Variants in STYK1 observed in about 807,000 individuals in gnomAD.
STYK1 encodes the protein tyrosine-protein kinase STYK1.
In STYK1, 46 loss-of-function variants were observed where a neutral mutation model predicts 48.1. The observed-to-expected ratio is 0.96, with a 90% CI of 0.75 to 1.22. The LOEUF (loss-of-function observed/expected upper bound fraction) is 1.22, where lower values mean the gene tolerates loss of function less well. STYK1 is among the 50% of genes most tolerant of loss of function. STYK1 has a pLI of 0.00. For synonymous variants in STYK1, 188 were observed against 189.0 expected (o/e 0.99, Z 0.04); for missense variants, 527 against 521.1 (o/e 1.01, Z -0.11).
rs2120622523 is a variant in STYK1 at position 10,627,983 on chromosome 12, C to T, written c.634-259G>A. ...AAATAAGACTATCCACTGAATAAAG[C>T]AGCAATTTTTCTAGGGCTCTGTGTG... On this transcript the variant is annotated intron_variant, in intron 6 of 10. Transcript: ENST00000075503. Among the ~76,000 whole-genome samples the T allele has an allele frequency of 2.0e-5, 3 of 152,296 alleles. No homozygotes were observed. The South Asian group carries it at 6.2e-4, about 32-fold the overall frequency.
chr12:10,625,811 A>AT (rs1252466441), intron 7 of STYK1, among the ~76,000 whole-genome samples: 1 of 152,166 alleles, frequency 6.6e-6, no homozygotes, highest in Non-Finnish European at 1.5e-5. Flanking sequence ...TAAACATAAG[A>AT]TTTTCACCCC....
At chr12:10,629,339 T>C in intron 6 of STYK1, 154 bp downstream of exon 6, 1 of 747,718 alleles carries the variant, frequency 1.3e-6, no homozygotes, top group Non-Finnish European at 2.1e-6. Flanking sequence ...ATTTCTATAA[T>C]TACAAAAAGT....
intron 1 of STYK1, among the ~76,000 whole-genome samples, chr12:10,657,261 T>C (rs547350008): frequency 8.5e-5 from 13 of 152,328 alleles, no homozygotes; most frequent in African/African-American, 2.9e-4. Flanking sequence ...CTCAAAGGGC[T>C]CCTCCCTGAA....
chr12:10,667,504 C>A (rs188398018), intron 1 of STYK1: 4 of 151,424 alleles, frequency 2.6e-5, no homozygotes, highest in Admixed American at 2.6e-4. Flanking sequence ...GTGGTGCATG[C>A]CTCTAGTCCC....
rs1243822251 is a variant in STYK1, at chr12:10,618,976, G to A, written c.*1168C>T. On this transcript the variant is annotated 3_prime_UTR_variant, in exon 11 of 11. Transcript: ENST00000075503. Reference sequence around the variant, plus strand: ...ACGTTTATTGAGCGCATATGTGCCAGATAGTGTACAAATACATACTCAAAA... The same window carrying A: ...ACGTTTATTGAGCGCATATGTGCCAAATAGTGTACAAATACATACTCAAAA... 6.6e-6 allele frequency: 1 copy of A among 152,178 alleles called. No individual in the cohort carries two copies. 9.4% of individuals were successfully genotyped at this position (152,178 alleles called of 1,614,324 possible).
At chr12:10,670,193 T>C (rs540451207) in intron 1 of STYK1, among the ~76,000 whole-genome samples, 14 of 152,298 alleles carry the variant, frequency 9.2e-5, no homozygotes, top group Admixed American at 7.2e-4. Context: ...TTACTTTTAT[T>C]CTGAAGGCTC....
chr12:10,620,308 C>G lies in STYK1; in HGVS notation c.1105G>C (p.Asp369His). 1 of 1,613,646 alleles carries G rather than the reference C, an allele frequency of 6.2e-7. No individual in the cohort carries two copies. Among genetic ancestry groups the G allele is most frequent in the Non-Finnish European group, 8.5e-7 (1 of 1,180,044 alleles). The part of the protein sequence containing the change: ...MKSCWRWREA[D>H]RPSPRELRLR... ...CGCAGCTCTCTAGGTGAGGGGCGGT[C>G]AGCCTCACGCCAGCGCCAGCAGGAC... Residue 369 changes from aspartate (D) to histidine (H), a missense_variant, in exon 11 of 11, where the codon GAC becomes CAC. Asp to His is a moderately conservative substitution (Grantham distance 81). Transcript: ENST00000075503.
intron 1 of STYK1, among the ~76,000 whole-genome samples, chr12:10,642,557 A>G (rs1947556699): frequency 6.6e-6 from 1 of 152,184 alleles, no homozygotes; most frequent in Non-Finnish European, 1.5e-5. Flanking sequence ...AGCTGTATCA[A>G]TCAGGTAAAC....
At chr12:10,667,847 T>C (rs568711607) in intron 1 of STYK1, among the ~76,000 whole-genome samples, 25 of 152,084 alleles carry the variant, frequency 1.6e-4, no homozygotes, top group African/African-American at 6.0e-4. Context: ...CCTTAGGAGG[T>C]AGTATTCACA....
Position 10,658,836 on chromosome 12 carries a change from TA to T in STYK1, c.-195+15129del, listed in dbSNP as rs199966586. Among the ~76,000 whole-genome samples the T allele has an allele frequency of 8.8e-3, 1,335 of 152,332 alleles. 21 individuals carry two copies. Among genetic ancestry groups the T allele is most frequent in the African/African-American group, 0.03 (1,253 of 41,580 alleles). Reference sequence around the variant, plus strand: ...CTAATATGACTTAGTATGTTATTAGTAATTATAATTGTTACATAATATTATT... The same window carrying T: ...CTAATATGACTTAGTATGTTATTAGTATTATAATTGTTACATAATATTATT... On this transcript the variant is annotated intron_variant, in intron 1 of 10. Transcript: ENST00000075503.
intron 3 of STYK1, 135 bp downstream of exon 3, chr12:10,634,432 C>T (rs1255285780): frequency 6.1e-6 from 6 of 976,264 alleles, no homozygotes; most frequent in Non-Finnish European, 9.4e-6. Context: ...ACAATGGCCT[C>T]TAGTCCCCAT....
chr12:10,645,643 A>G (rs1357970605), intron 1 of STYK1, among the ~76,000 whole-genome samples: 1 of 152,240 alleles, frequency 6.6e-6, no homozygotes, highest in Non-Finnish European at 1.5e-5. Flanking sequence ...GTCAGCAAGA[A>G]TCAAAATAAG....
chr12:10,653,527 T>G (rs186004230), intron 1 of STYK1, among the ~76,000 whole-genome samples: 50 of 152,308 alleles, frequency 3.3e-4, no homozygotes, highest in African/African-American at 1.2e-3. Context: ...AATTCAGAAG[T>G]GTAAAACCTG....
rs145885106 is a variant in STYK1 at position 10,656,604 on chromosome 12, G to A, written c.-195+17362C>T. 3.3e-3 allele frequency among the ~76,000 whole-genome samples: 506 copies of A among 152,202 alleles called. 2 individuals carry two copies. The highest frequency in any genetic ancestry group is 0.012 in the African/African-American group (480 of 41,536). The stretch of plus-strand genomic sequence containing the variant: ...CACGTCACTGCACTCCAGCCTGGGC[G>A]ATAGAGTGAGACTCCATCTCAAAAA... On this transcript the variant is annotated intron_variant, in intron 1 of 10. Coordinates refer to ENST00000075503, the MANE Select transcript of STYK1 (RefSeq NM_018423.3).
At chr12:10,666,735 T>G (rs1408441373) in intron 1 of STYK1, among the ~76,000 whole-genome samples, 1 of 152,236 alleles carries the variant, frequency 6.6e-6, no homozygotes, top group Non-Finnish European at 1.5e-5. Context: ...TATAAGGGGC[T>G]CTTCCCCCTT....
rs370801511 is a variant in STYK1 at position 10,629,056 on chromosome 12, T to C, written c.633+437A>G. 2.4e-4 allele frequency among the ~76,000 whole-genome samples: 36 copies of C among 152,312 alleles called. No individual in the cohort carries two copies. The South Asian group carries it at 6.4e-3, about 27-fold the overall frequency. On this transcript the variant is annotated intron_variant, in intron 6 of 10. Transcript: ENST00000075503. Reference sequence around the variant, plus strand: ...TTTCTTGTATTTTTTGTAATAATTATTACTCCCATTTTACAGATTCAGAAA... The same window carrying C: ...TTTCTTGTATTTTTTGTAATAATTACTACTCCCATTTTACAGATTCAGAAA...
At chr12:10,648,016 C>T (rs1378898288) in intron 1 of STYK1, among the ~76,000 whole-genome samples, 1 of 152,156 alleles carries the variant, frequency 6.6e-6, no homozygotes, top group Admixed American at 6.5e-5. Flanking sequence ...TAAAAACGGA[C>T]TAATACACCA....
chr12:10,635,268 G>A (rs1336713803), intron 2 of STYK1, among the ~76,000 whole-genome samples: 2 of 152,136 alleles, frequency 1.3e-5, no homozygotes, highest in African/African-American at 2.4e-5. Flanking sequence ...TTACAGGCAT[G>A]AGCTACCATT....
intron 1 of STYK1, among the ~76,000 whole-genome samples, chr12:10,670,817 C>A (rs1268352502): frequency 6.7e-6 from 1 of 149,850 alleles, no homozygotes; most frequent in East Asian, 1.9e-4. Context: ...TATTTCAAAA[C>A]AACATGTATA....
Sources: allele counts gnomAD v4.1 joint callset (sites outside exome capture counted in the v4.1 genomes callset), GRCh38; gene constraint gnomAD v4.1.1; transcripts MANE v1.5; gene names NCBI Gene and HGNC (gene_info 2026-07-23, HGNC 2026-07-21).